MACC1: variants seen among roughly 807,000 people sequenced by gnomAD.
The protein encoded by MACC1 is MET transcriptional regulator MACC1.
MACC1 carries 79 observed loss-of-function variants against 70.7 expected under a neutral mutation model. The observed-to-expected ratio is 1.12, with a 90% CI of 0.93 to 1.35. MACC1 has a LOEUF of 1.35. MACC1 is among the 40% of genes most tolerant of loss of function. The probability of loss-of-function intolerance (pLI) is 0.00; values close to 1 mark genes in which losing one functional copy is unlikely to be tolerated. For synonymous variants in MACC1, 361 were observed against 347.2 expected (o/e 1.04, Z -0.44); for missense variants, 1,106 against 978.1 (o/e 1.13, Z -1.74).
chr7:20,204,234 A>C (rs1013939459), intron 1 of MACC1, among the ~76,000 whole-genome samples: 3 of 151,930 alleles, frequency 2.0e-5, no homozygotes, highest in Non-Finnish European at 4.4e-5. Context: ...GGCTCACTGC[A>C]AACTCCGCCT....
intron 6 of MACC1, among the ~76,000 whole-genome samples, chr7:20,143,649 A>T (rs1481836501): frequency 6.6e-6 from 1 of 152,126 alleles, no homozygotes; most frequent in Non-Finnish European, 1.5e-5. Flanking sequence ...TCGGACTCGC[A>T]AAGTGCTGGG....
chr7:20,160,944 T>A (rs1245577965), intron 4 of MACC1, among the ~76,000 whole-genome samples: 1 of 152,172 alleles, frequency 6.6e-6, no homozygotes, highest in Non-Finnish European at 1.5e-5. Context: ...TTCATTGCAC[T>A]CAAGCTTGCA....
Position 20,158,340 on chromosome 7 carries a change from G to C in MACC1, c.2021C>G (p.Ser674Ter), listed in dbSNP as rs996076402. 2 of 1,613,746 alleles carry C rather than the reference G, an allele frequency of 1.2e-6. No homozygotes were observed. Among genetic ancestry groups the C allele is most frequent in the East Asian group, 2.2e-5 (1 of 44,870 alleles). The change falls in exon 5 of 7, where the codon TCA becomes TGA. Residue 674 changes from serine (S) to a stop codon, truncating the protein, a stop_gained. Transcript: ENST00000400331. LOFTEE classifies it high-confidence loss of function. Reference protein sequence around the residue: ...WKVLADVLGYSHLSLEDFDQI... With the variant: ...WKVLADVLGY ...ATCAAAATCTTCCAGGGACAGATGT[G>C]AGTAACCCAGGACATCAGCTAAAAC...
At chr7:20,172,551 T>A (rs114943459) in intron 1 of MACC1, among the ~76,000 whole-genome samples, 1,666 of 152,320 alleles carry the variant, frequency 0.011, 32 homozygotes, top group African/African-American at 0.038. Context: ...TTTAATTTCA[T>A]GTTTAAATTA....
intron 2 of MACC1, among the ~76,000 whole-genome samples, chr7:20,169,305 G>A (rs1454745572): frequency 1.3e-5 from 2 of 152,332 alleles, no homozygotes; most frequent in East Asian, 1.9e-4. Context: ...ATTATTGCAA[G>A]AGTAGTTGGA....
chr7:20,207,586 C>T (rs533778551), intron 1 of MACC1, among the ~76,000 whole-genome samples: 22 of 151,970 alleles, frequency 1.4e-4, no homozygotes, highest in Middle Eastern at 3.2e-3. Context: ...GATTTTTGAA[C>T]GATGTGCAAC....
intron 1 of MACC1, among the ~76,000 whole-genome samples, chr7:20,177,552 C>T (rs774202665): frequency 2.0e-5 from 3 of 151,910 alleles, no homozygotes; most frequent in African/African-American, 7.2e-5. Context: ...TTCTCTTTAT[C>T]CCTATAAGTG....
intron 1 of MACC1, among the ~76,000 whole-genome samples, chr7:20,209,993 T>C (rs959567698): frequency 2.0e-5 from 3 of 152,220 alleles, no homozygotes; most frequent in South Asian, 4.1e-4. Context: ...CCTTCTGCCA[T>C]AATTGTAAGT....
At chr7:20,150,622 A>T (rs1284627762) in intron 6 of MACC1, 1 of 152,236 alleles carries the variant, frequency 6.6e-6, no homozygotes, top group Non-Finnish European at 1.5e-5. Context: ...AAAAATTACC[A>T]TTAGGAACAT....
rs558957085 is a variant in MACC1, at chr7:20,158,422, T to C, written c.1939A>G (p.Thr647Ala). The part of the protein sequence containing the change: ...EQIVLPLKKL[T>A]YIYSVVLTLV... ...GTTAATACAACTGAGTAGATATAAGTCAATTTTTTTAAAGGCAGGACAATC... is the reference window on the plus strand; with the variant it reads ...GTTAATACAACTGAGTAGATATAAGCCAATTTTTTTAAAGGCAGGACAATC... The change falls in exon 5 of 7, where the codon ACT becomes GCT. Residue 647 changes from threonine (T) to alanine (A), a missense_variant. Coordinates refer to ENST00000400331, the MANE Select transcript of MACC1 (RefSeq NM_182762.4). 3 of 1,613,866 alleles carry C rather than the reference T, an allele frequency of 1.9e-6. No individual in the cohort carries two copies. In the South Asian group the frequency reaches 3.3e-5, roughly 18 times the overall value.
chr7:20,213,781 G>C (rs1783030868), intron 1 of MACC1, among the ~76,000 whole-genome samples: 1 of 152,066 alleles, frequency 6.6e-6, no homozygotes, highest in Non-Finnish European at 1.5e-5. Context: ...AGGAGGCAGA[G>C]GGTCAAGATA....
At chr7:20,205,572 T>C (rs1441504591) in intron 1 of MACC1, among the ~76,000 whole-genome samples, 1 of 152,160 alleles carries the variant, frequency 6.6e-6, no homozygotes, top group African/African-American at 2.4e-5. Flanking sequence ...TACCAAAAAA[T>C]ATAAACTCAT....
intron 6 of MACC1, chr7:20,147,448 AC>A (rs1461231809): frequency 2.0e-5 from 3 of 152,246 alleles, no homozygotes; most frequent in African/African-American, 4.8e-5. Flanking sequence ...CATTTTCAGT[AC>A]CATTAGCTGA....
chr7:20,188,417 T>C (rs1782621980), intron 1 of MACC1, among the ~76,000 whole-genome samples: 1 of 152,194 alleles, frequency 6.6e-6, no homozygotes, highest in Non-Finnish European at 1.5e-5. Flanking sequence ...CTCAAAGAAG[T>C]TGTAAAAACT....
In MACC1 at chr7:20,201,861, C is replaced by T. The variant is rs116938826; in HGVS notation, c.-218+15438G>A. ...GTCTCCAAGGATGCAAAATGTGAAC[C>T]TTAACCTCTGTACCAGTTGGAACCA... On this transcript the variant is annotated intron_variant, in intron 1 of 6. Transcript: ENST00000400331. Among the ~76,000 whole-genome samples, 21 of 152,266 alleles carry T rather than the reference C, an allele frequency of 1.4e-4. No homozygotes were observed. In the East Asian group the frequency reaches 4.1e-3, roughly 29 times the overall value.
rs527911522 is a variant in MACC1 at position 20,150,643 on chromosome 7, G to A, written c.2346+3550C>T. 2.6e-5 allele frequency: 4 copies of A among 152,352 alleles called. No homozygotes were observed. In the South Asian group the frequency reaches 8.3e-4, roughly 32 times the overall value. 9.4% of individuals were successfully genotyped at this position (152,352 alleles called of 1,614,324 possible). ...TACCATTAGGAACATTGACTTCGCT[G>A]GCTTCCATTGGGAGAGTGGCCCATT... is the stretch of plus-strand genomic sequence containing the variant. On this transcript the variant is annotated intron_variant, in intron 6 of 6. Coordinates refer to ENST00000400331, the MANE Select transcript of MACC1 (RefSeq NM_182762.4).
chr7:20,209,768 G>A (rs192544178), intron 1 of MACC1, among the ~76,000 whole-genome samples: 8 of 152,140 alleles, frequency 5.3e-5, no homozygotes, highest in Admixed American at 1.3e-4. Context: ...GGTTGTGGCT[G>A]TGTCCCCACC....
chr7:20,167,769 A>T (rs542320994), intron 2 of MACC1, among the ~76,000 whole-genome samples: 1 of 152,218 alleles, frequency 6.6e-6, no homozygotes, highest in Non-Finnish European at 1.5e-5. Flanking sequence ...TCACAGCAGG[A>T]CCTGCATCAT....
rs1298520731 is a variant in MACC1 at position 20,140,993 on chromosome 7, A to G, written c.2512T>C (p.Leu838=). 1.9e-6 allele frequency: 3 copies of G among 1,613,976 alleles called. No homozygotes were observed. Among genetic ancestry groups the G allele is most frequent in the East Asian group, 2.2e-5 (1 of 44,876 alleles). Residue 838 remains leucine, a synonymous_variant, in exon 7 of 7, where the codon TTG becomes CTG. Transcript: ENST00000400331. ...AATGCAGTTACTCTCAAAACCTCCA[A>G]AGAATTTACTAGTATTAAAACTCCA... ...LTGVLILVNS[L]EVLRVTAFST...
Sources: allele counts gnomAD v4.1 joint callset (sites outside exome capture counted in the v4.1 genomes callset), GRCh38; gene constraint gnomAD v4.1.1; transcripts MANE v1.5; gene names NCBI Gene and HGNC (gene_info 2026-07-23, HGNC 2026-07-21).